The following PTPN4 variants were observed in gnomAD, a reference collection of about 807,000 sequenced individuals.
PTPN4 encodes the protein tyrosine-protein phosphatase non-receptor type 4.
A neutral mutation model predicts 135.5 loss-of-function variants in PTPN4; 49 were observed. That is an observed-to-expected ratio of 0.36 (90% confidence interval 0.29 to 0.46). PTPN4 has a LOEUF of 0.46. Among genes scored for constraint, PTPN4 ranks in the 20% least tolerant of loss-of-function variants. The pLI is 1.00. For synonymous variants in PTPN4, 333 were observed against 369.9 expected, an observed-to-expected ratio of 0.90 and a Z score of 1.14; for missense variants, 860 against 1,101.0, an observed-to-expected ratio of 0.78 and a Z score of 3.10.
At chr2:119,807,384 A>G (rs112589487) in intron 1 of PTPN4, among the ~76,000 whole-genome samples, 3,840 of 152,292 alleles carry the variant, frequency 0.025, 162 homozygotes, top group African/African-American at 0.087. Flanking sequence ...ATAAAAAATC[A>G]TAAAGGAGAT....
intron 13 of PTPN4, 23 bp from the exon 14 acceptor site, chr2:119,932,401 T>C (rs529064995): frequency 6.5e-7 from 1 of 1,549,004 alleles, no homozygotes; most frequent in Non-Finnish European, 8.7e-7. Flanking sequence ...ACTTTTAACA[T>C]ATTATTTAAT....
At chr2:119,973,109 A>G (rs1679560212) in intron 26 of PTPN4, among the ~76,000 whole-genome samples, 1 of 151,936 alleles carries the variant, frequency 6.6e-6, no homozygotes, top group Non-Finnish European at 1.5e-5. Flanking sequence ...TTTTGCAACC[A>G]ATTTGCAATT....
intron 9 of PTPN4, among the ~76,000 whole-genome samples, chr2:119,891,498 T>A (rs1281703141): frequency 6.6e-6 from 1 of 152,154 alleles, no homozygotes; most frequent in Non-Finnish European, 1.5e-5. Context: ...AATTTTTTTT[T>A]ATTTTTAGTA....
intron 26 of PTPN4, among the ~76,000 whole-genome samples, chr2:119,973,775 G>T (rs2105067529): frequency 7.1e-6 from 1 of 141,308 alleles, no homozygotes; most frequent in South Asian, 2.3e-4. Flanking sequence ...GGTGTTCTCT[G>T]TGTTTCCTAA....
At chr2:119,897,529 A>G (rs1457781589) in intron 9 of PTPN4, among the ~76,000 whole-genome samples, 2 of 152,212 alleles carry the variant, frequency 1.3e-5, no homozygotes, top group Non-Finnish European at 2.9e-5. Flanking sequence ...TACAATTCAC[A>G]TATCCTATAA....
rs756718985 is a variant in PTPN4 at position 119,962,680 on chromosome 2, C to T, written c.2345C>T (p.Thr782Ile). 6.3e-7 allele frequency: 1 copy of T among 1,587,926 alleles called. No individual in the cohort carries two copies. The highest frequency in any genetic ancestry group is 1.3e-5 in the African/African-American group (1 of 74,520). Reference protein sequence around the residue: ...GSSSYGCYQVTCHSEEGNTAY... With the variant: ...GSSSYGCYQVICHSEEGNTAY... Reference sequence around the variant, plus strand: ...TCATCTTATGGATGCTACCAAGTTACCTGCCACTCTGAAGAAGGAAACACT... The same window carrying T: ...TCATCTTATGGATGCTACCAAGTTATCTGCCACTCTGAAGAAGGAAACACT... Residue 782 changes from threonine (T) to isoleucine (I), a missense_variant, in exon 24 of 27, where the codon ACC (threonine) becomes ATC (isoleucine). Thr to Ile is a moderately conservative substitution (Grantham distance 89). Coordinates refer to ENST00000263708, the MANE Select transcript of PTPN4 (RefSeq NM_002830.4).
chr2:119,829,654 T>C (rs1254196044), intron 2 of PTPN4, among the ~76,000 whole-genome samples: 1 of 152,132 alleles, frequency 6.6e-6, no homozygotes, highest in African/African-American at 2.4e-5. Flanking sequence ...GAACTTTCAC[T>C]TTTTTTTCAT....
intron 1 of PTPN4, among the ~76,000 whole-genome samples, chr2:119,792,945 G>A (rs547656767): frequency 2.6e-5 from 4 of 152,318 alleles, no homozygotes; most frequent in Admixed American, 6.5e-5. Context: ...AAAGTATCAC[G>A]AGGCAAATGG....
At chr2:119,808,728 C>G (rs1207458621) in intron 1 of PTPN4, among the ~76,000 whole-genome samples, 1 of 152,092 alleles carries the variant, frequency 6.6e-6, no homozygotes, top group African/African-American at 2.4e-5. Context: ...CAATCACTGT[C>G]TTTTAATTGT....
chr2:119,779,943 G>T (rs1350838760), intron 1 of PTPN4, among the ~76,000 whole-genome samples: 2 of 151,874 alleles, frequency 1.3e-5, no homozygotes, highest in African/African-American at 4.8e-5. Flanking sequence ...ACAGGACTTC[G>T]CCATGTTGCC....
rs1679635706 is a variant in PTPN4, at chr2:119,977,576, T to C, written c.*506T>C. ...ACACTGCCTATGGATGCAGCACATTTTTCCCTGCACACCCCCTGTAGAGAC... is the reference window on the plus strand; with the variant it reads ...ACACTGCCTATGGATGCAGCACATTCTTCCCTGCACACCCCCTGTAGAGAC... On this transcript the variant is annotated 3_prime_UTR_variant, in exon 27 of 27. Coordinates refer to ENST00000263708, the MANE Select transcript of PTPN4 (RefSeq NM_002830.4). 1 of 152,452 alleles carries C rather than the reference T, an allele frequency of 6.6e-6. No individual in the cohort carries two copies. The highest frequency in any genetic ancestry group is 2.4e-5 in the African/African-American group (1 of 41,452). 9.4% of individuals were successfully genotyped at this position (152,452 alleles called of 1,614,324 possible).
At chr2:119,939,067 A>C (rs1192582406) in intron 15 of PTPN4, among the ~76,000 whole-genome samples, 1 of 152,222 alleles carries the variant, frequency 6.6e-6, no homozygotes, top group Non-Finnish European at 1.5e-5. Context: ...GGGTGATAAT[A>C]ATATCTACCT....
intron 11 of PTPN4, chr2:119,916,199 CAAAAA>C (rs765455287): frequency 3.8e-5 from 2 of 52,248 alleles, no homozygotes; most frequent in Admixed American, 2.2e-4. Context: ...GGCCCTGTCT[CAAAAA>C]AAAAAAAAAA....
chr2:119,776,735 G>C (rs570071758), intron 1 of PTPN4, among the ~76,000 whole-genome samples: 1 of 152,126 alleles, frequency 6.6e-6, no homozygotes, highest in Non-Finnish European at 1.5e-5. Context: ...TTTTCTCTTC[G>C]TTAGGATTCT....
chr2:119,764,697 TA>T (rs927537930), intron 1 of PTPN4, among the ~76,000 whole-genome samples: 2 of 152,220 alleles, frequency 1.3e-5, no homozygotes, highest in Non-Finnish European at 2.9e-5. Context: ...TTTCTTAGGT[TA>T]AAAAAATTAA....
intron 10 of PTPN4, among the ~76,000 whole-genome samples, chr2:119,901,934 A>T (rs1339677309): frequency 1.3e-5 from 2 of 152,222 alleles, no homozygotes; most frequent in East Asian, 3.8e-4. Context: ...CCGAAAAGTG[A>T]TGGGAAAAAG....
intron 26 of PTPN4, among the ~76,000 whole-genome samples, chr2:119,975,177 T>C (rs1679595195): frequency 6.6e-6 from 1 of 152,192 alleles, no homozygotes; most frequent in Admixed American, 6.5e-5. Flanking sequence ...AGTAGTGTGA[T>C]CACCACTCAT....
chr2:119,877,332 G>T lies in PTPN4; in HGVS notation c.256G>T (p.Asp86Tyr). The change falls in exon 4 of 27, where the codon GAT (aspartate) becomes TAT (tyrosine). Residue 86 changes from aspartate (D) to tyrosine (Y), a missense_variant. Physicochemically the swap from Asp to Tyr is radical, Grantham distance 160 (BLOSUM62 -3). Around this residue, in one of 2 missense-constraint regions of PTPN4, gnomAD observed 684 missense variants for 807.0 expected, o/e 0.85. Transcript: ENST00000263708. ...TTTATTTATTTTTCAGAGGTGGCTG[G>T]ATCCAAACAAACCAATAAGGAAGCA... ...DDSTDNPRWLDPNKPIRKQLK... is the reference protein window; with the variant it reads ...DDSTDNPRWLYPNKPIRKQLK... 6.2e-7 allele frequency: 1 copy of T among 1,611,412 alleles called. No homozygotes were observed. The highest frequency in any genetic ancestry group is 8.5e-7 in the Non-Finnish European group (1 of 1,179,270).
chr2:119,904,785 A>G (rs1678460604), intron 10 of PTPN4, among the ~76,000 whole-genome samples: 2 of 152,236 alleles, frequency 1.3e-5, no homozygotes, highest in Admixed American at 1.3e-4. Flanking sequence ...CTGAGGATAC[A>G]TCACCCAAGC....
Sources: gnomAD v4.1 joint callset for allele counts (sites outside exome capture counted in the v4.1 genomes callset) on GRCh38, gnomAD v4.1.1 for gene constraint, gnomAD v4.1.1 regional missense constraint, MANE v1.5 for transcripts, NCBI Gene and HGNC (gene_info 2026-07-23, HGNC 2026-07-21) for gene names.